FRMD3: variants seen among roughly 807,000 people sequenced by gnomAD.
FRMD3 encodes the protein FERM domain containing 3.
FRMD3 carries 33 observed loss-of-function variants against 70.2 expected under a neutral mutation model. The ratio of observed to expected loss-of-function variants is 0.47; its 90% CI spans 0.36 to 0.63. The LOEUF (loss-of-function observed/expected upper bound fraction) is 0.63, where lower values mean the gene tolerates loss of function less well. Ranked by LOEUF, FRMD3 falls within the 20% of genes least tolerant of loss-of-function variation. The pLI, the probability that FRMD3 is intolerant of heterozygous loss-of-function variation, is 0.00. For missense variants in FRMD3, 632 were observed against 711.4 expected (o/e 0.89, Z 1.27); for synonymous variants, 279 against 255.9 (o/e 1.09, Z -0.86).
At chr9:83,260,481 T>G (rs1325176227) in intron 13 of FRMD3, among the ~76,000 whole-genome samples, 1 of 152,160 alleles carries the variant, frequency 6.6e-6, no homozygotes, top group African/African-American at 2.4e-5. Context: ...ATGGTGTCCT[T>G]ACATGTAGGG....
At chr9:83,309,647 A>G (rs1400073407) in intron 9 of FRMD3, 23 bp from the exon 10 acceptor site, 8 of 1,477,314 alleles carry the variant, frequency 5.4e-6, no homozygotes, top group Non-Finnish European at 7.4e-6. Context: ...TAACAAAACA[A>G]GAAAAGGCAC....
chr9:83,444,457 C>T (rs1026030311), intron 1 of FRMD3, among the ~76,000 whole-genome samples: 2 of 152,222 alleles, frequency 1.3e-5, no homozygotes, highest in African/African-American at 2.4e-5. Context: ...CTCTTCAAAT[C>T]TTTCCAGGCA....
At chr9:83,574,436 G>A in the FRMD3 span, among the ~76,000 whole-genome samples, 681 of 152,176 alleles carry the variant, frequency 4.5e-3, 6 homozygotes, top group African/African-American at 0.015. Flanking sequence ...TATTTCATGG[G>A]TCACTGATAA....
chr9:83,337,726 T>A (rs1424687994), intron 5 of FRMD3, among the ~76,000 whole-genome samples: 1 of 152,240 alleles, frequency 6.6e-6, no homozygotes, highest in Non-Finnish European at 1.5e-5. Flanking sequence ...TGTCCCTTCA[T>A]TGTCACATCA....
the FRMD3 span, among the ~76,000 whole-genome samples, chr9:83,556,998 A>G: frequency 6.6e-6 from 1 of 152,282 alleles, no homozygotes; most frequent in East Asian, 1.9e-4. Context: ...TTCTGAAGCT[A>G]TGAAGGTCTC....
At chr9:83,539,102 G>C (rs1829965565), upstream of FRMD3, among the ~76,000 whole-genome samples, 1 of 152,070 alleles carries the variant, frequency 6.6e-6, no homozygotes. Flanking sequence ...CCTTTGACCC[G>C]AGCAAGAGGG....
intron 6 of FRMD3, chr9:83,331,856 T>C (rs1466010657): frequency 2.8e-6 from 2 of 717,510 alleles, no homozygotes; most frequent in Admixed American, 2.0e-5. Context: ...TATTACCTTC[T>C]GAACACCATA....
chr9:83,561,435 T>C, the FRMD3 span, among the ~76,000 whole-genome samples: 1 of 152,226 alleles, frequency 6.6e-6, no homozygotes, highest in African/African-American at 2.4e-5. Context: ...CACCAGACAC[T>C]GGGGTATAAA....
Position 83,474,183 on chromosome 9 carries a change from G to C in FRMD3, c.147+63902C>G, listed in dbSNP as rs145789193. On this transcript the variant is annotated intron_variant, in intron 1 of 13. Transcript: ENST00000304195. ...AAATTTGCAACCCCTCAAAAGTACA[G>C]AGTATAGCAAAAACATCAGCATGAC... Among the ~76,000 whole-genome samples the C allele has an allele frequency of 2.1e-3, 319 of 152,278 alleles. 1 individual carries two copies. Among genetic ancestry groups the C allele is most frequent in the South Asian group, 7.7e-3 (37 of 4,824 alleles).
intron 13 of FRMD3, among the ~76,000 whole-genome samples, chr9:83,282,906 G>A (rs571698020): frequency 4.2e-4 from 64 of 152,136 alleles, no homozygotes; most frequent in Non-Finnish European, 6.6e-4. Context: ...AAGGTGCACT[G>A]AGTTTGCATC....
At chr9:83,456,349 A>C (rs1827816124) in intron 1 of FRMD3, among the ~76,000 whole-genome samples, 1 of 152,186 alleles carries the variant, frequency 6.6e-6, no homozygotes. Flanking sequence ...TTTGAAACAA[A>C]CAGTGCTGCT....
At chr9:83,317,253 C>G (rs1344970721) in intron 6 of FRMD3, among the ~76,000 whole-genome samples, 1 of 151,274 alleles carries the variant, frequency 6.6e-6, no homozygotes. Flanking sequence ...TCTCACCTTC[C>G]CAACTAGGGA....
intron 13 of FRMD3, among the ~76,000 whole-genome samples, chr9:83,252,497 G>T (rs1462350487): frequency 6.6e-6 from 1 of 152,072 alleles, no homozygotes; most frequent in Non-Finnish European, 1.5e-5. Context: ...CATCATGACA[G>T]GATCAAATTC....
intron 1 of FRMD3, among the ~76,000 whole-genome samples, chr9:83,494,604 T>A (rs1225843869): frequency 6.6e-6 from 1 of 152,204 alleles, no homozygotes; most frequent in African/African-American, 2.4e-5. Flanking sequence ...TAGAATGTTT[T>A]AAAATAGTTA....
rs1231203981 is a variant in FRMD3, at chr9:83,343,287, T to C, written c.375A>G (p.Arg125=). ...TTTTAATCTGAAGGTATAAAAGGTA[T>C]CTGCAATACAAAAGGAGAAATGGTC... ...EPLKIKEELT[R]YLLYLQIKRD... Residue 125 remains arginine, a splice_region_variant and synonymous_variant, in exon 5 of 14, where the codon AGA becomes AGG. Coordinates refer to ENST00000304195, the MANE Select transcript of FRMD3 (RefSeq NM_174938.6). The C allele has an allele frequency of 6.2e-7, 1 of 1,602,436 alleles. No individual in the cohort carries two copies. Among genetic ancestry groups the C allele is most frequent in the Non-Finnish European group, 8.6e-7 (1 of 1,169,404 alleles).
intron 3 of FRMD3, among the ~76,000 whole-genome samples, chr9:83,369,373 C>A (rs995956424): frequency 3.3e-5 from 5 of 151,944 alleles, no homozygotes; most frequent in Non-Finnish European, 7.4e-5. Flanking sequence ...GTCAGGAGTT[C>A]AAGACCAGCC....
chr9:83,443,491 T>C (rs1479241962), intron 1 of FRMD3, among the ~76,000 whole-genome samples: 1 of 152,232 alleles, frequency 6.6e-6, no homozygotes, highest in African/African-American at 2.4e-5. Flanking sequence ...TATGGCTGCA[T>C]AGCATTCCAT....
chr9:83,553,981 A>C, the FRMD3 span, among the ~76,000 whole-genome samples: 1 of 152,174 alleles, frequency 6.6e-6, no homozygotes, highest in African/African-American at 2.4e-5. Context: ...TCATCTCGGC[A>C]TGTGGGTGTT....
chr9:83,551,074 T>C, the FRMD3 span, among the ~76,000 whole-genome samples: 1 of 152,188 alleles, frequency 6.6e-6, no homozygotes, highest in Non-Finnish European at 1.5e-5. Flanking sequence ...GGGGAATGCT[T>C]CCAGCTTTTG....
Sources: gnomAD v4.1 joint callset for allele counts (sites outside exome capture counted in the v4.1 genomes callset) on GRCh38, gnomAD v4.1.1 for gene constraint, MANE v1.5 for transcripts, NCBI Gene and HGNC (gene_info 2026-07-23, HGNC 2026-07-21) for gene names.